BRCA2: variants seen among roughly 807,000 people sequenced by gnomAD.
BRCA2 encodes BRCA2 DNA repair associated.
BRCA2 carries 203 observed loss-of-function variants against 276.7 expected under a neutral mutation model. That is an observed-to-expected ratio of 0.73 (90% CI 0.65 to 0.82). The LOEUF is 0.82. BRCA2 is among the 40% of genes least tolerant of loss of function. The pLI is 0.00. For synonymous variants in BRCA2, 1,289 were observed against 1,338.4 expected (o/e 0.96, Z 0.81); for missense variants, 3,920 against 3,915.0 (o/e 1.00, Z -0.03).
intron 24 of BRCA2, among the ~76,000 whole-genome samples, chr13:32,389,440 TTA>T (rs1412933867): frequency 6.6e-6 from 1 of 152,222 alleles, no homozygotes; most frequent in African/African-American, 2.4e-5. Flanking sequence ...TCTTTTCTGT[TTA>T]AACAATTTCT....
At position 32,363,447 on chromosome 13, in the gene BRCA2, CAG is replaced by C. The variant is rs80359701; in HGVS notation, c.8247_8248del (p.Lys2750AspfsTer13). 2 of 1,614,178 alleles carry C rather than the reference CAG, an allele frequency of 1.2e-6. No homozygotes were observed. The highest frequency in any genetic ancestry group is 1.7e-6 in the Non-Finnish European group (2 of 1,180,032). On this transcript the variant is annotated frameshift_variant, in exon 18 of 27. Coordinates refer to ENST00000380152, the MANE Select transcript of BRCA2 (RefSeq NM_000059.4). LOFTEE classifies it high-confidence loss of function. ...AAAGAATGGCAGACTGACAGTTGGT[CAG>C]AAGATTATTCTTCATGGAGCAGAAC... ...VLKNGRLTVG[Q>X]KIILHGAELV...
At chr13:32,358,492 A>G (rs1328586734) in intron 16 of BRCA2, among the ~76,000 whole-genome samples, 1 of 145,784 alleles carries the variant, frequency 6.9e-6, no homozygotes, top group Admixed American at 6.9e-5. Context: ...AAAAAAAAAG[A>G]AAAAAGTTAA....
intron 24 of BRCA2, among the ~76,000 whole-genome samples, chr13:32,388,152 T>C (rs1374187370): frequency 6.8e-6 from 1 of 147,564 alleles, no homozygotes. Context: ...AGGGTCTCAC[T>C]CTGTTGCCCA....
chr13:32,391,177 A>T (rs1367481166), intron 24 of BRCA2, among the ~76,000 whole-genome samples: 1 of 152,142 alleles, frequency 6.6e-6, no homozygotes, highest in East Asian at 1.9e-4. Flanking sequence ...TTAAACGAGA[A>T]CCTTTCTTAG....
chr13:32,360,062 G>A (rs1256054596), intron 16 of BRCA2, among the ~76,000 whole-genome samples: 6 of 152,166 alleles, frequency 3.9e-5, no homozygotes, highest in East Asian at 1.9e-4. Context: ...AAGGAGATGC[G>A]ATTTTTAATC....
At position 32,363,393 on chromosome 13, in the gene BRCA2, C is replaced by G. The variant is rs397507966; in HGVS notation, c.8191C>G (p.Gln2731Glu). Reference protein sequence around the residue: ...LTDGWYAVKAQLDPPLLAVLK... With the variant: ...LTDGWYAVKAELDPPLLAVLK... ...AGATGGGTGGTATGCTGTTAAGGCC[C>G]AGTTAGATCCTCCCCTCTTAGCTGT... is the stretch of plus-strand genomic sequence containing the variant. The change falls in exon 18 of 27, where the codon CAG (glutamine) becomes GAG (glutamate). Residue 2731 changes from glutamine (Q) to glutamate (E), a missense_variant. By Grantham distance (29) the Gln-to-Glu change is conservative. Coordinates refer to ENST00000380152, the MANE Select transcript of BRCA2 (RefSeq NM_000059.4). The G allele has an allele frequency of 6.2e-7, 1 of 1,614,116 alleles. No individual in the cohort carries two copies. The highest frequency in any genetic ancestry group is 8.5e-7 in the Non-Finnish European group (1 of 1,180,018).
rs142994653 is a variant in BRCA2 at position 32,389,113 on chromosome 13, T to A, written c.9257-5576T>A. 3.0e-4 allele frequency among the ~76,000 whole-genome samples: 46 copies of A among 152,344 alleles called. No individual in the cohort carries two copies. In the East Asian group the frequency reaches 8.1e-3, roughly 27 times the overall value. On this transcript the variant is annotated intron_variant, in intron 24 of 26. Transcript: ENST00000380152. ...CTCTAGGTGTTACAACATACATGTA[T>A]GACTTACAGCAGTCTACTAGTATCA...
Position 32,337,323 on chromosome 13 carries a change from A to C in BRCA2, c.2968A>C (p.Met990Leu), listed in dbSNP as rs876660083. 1 of 1,613,714 alleles carries C rather than the reference A, an allele frequency of 6.2e-7. No homozygotes were observed. The highest frequency in any genetic ancestry group is 2.2e-5 in the East Asian group (1 of 44,826). The stretch of plus-strand genomic sequence containing the variant: ...AATACCAGAAAAAAATAATGATTAC[A>C]TGAACAAATGGGCAGGACTCTTAGG... ...DKIPEKNNDY[M>L]NKWAGLLGPI... Residue 990 changes from methionine (M) to leucine (L), a missense_variant, in exon 11 of 27, where the codon ATG becomes CTG. Met to Leu is a conservative substitution (Grantham distance 15, BLOSUM62 2). This residue lies in a region of BRCA2 where 3,263 missense variants were observed against 3,156.9 expected (regional missense o/e 1.03). Transcript: ENST00000380152.
intron 24 of BRCA2, among the ~76,000 whole-genome samples, chr13:32,388,528 A>C (rs1048702965): frequency 1.3e-5 from 2 of 152,070 alleles, no homozygotes; most frequent in East Asian, 1.9e-4. Context: ...TGAGATATTC[A>C]ACACTTTTTT....
rs55835607 is a variant in BRCA2, at chr13:32,398,351, C to T, written c.9838C>T (p.Pro3280Ser). 7 of 1,614,138 alleles carry T rather than the reference C, an allele frequency of 4.3e-6. No individual in the cohort carries two copies. The highest frequency in any genetic ancestry group is 1.6e-4 in the Middle Eastern group (1 of 6,062). ...ALDFLSRLPL[P>S]PPVSPICTFV... ...GGATTTCTTGAGTAGACTGCCTTTA[C>T]CTCCACCTGTTAGTCCCATTTGTAC... Residue 3280 changes from proline (P) to serine (S), a missense_variant, in exon 27 of 27, where the codon CCT (proline) becomes TCT (serine). By Grantham distance (74) the Pro-to-Ser change is moderately conservative. Coordinates refer to ENST00000380152, the MANE Select transcript of BRCA2 (RefSeq NM_000059.4).
chr13:32,339,342 G>A lies in BRCA2; in HGVS notation c.4987G>A (p.Val1663Ile), dbSNP rs587781763. 1 of 1,590,742 alleles carries A rather than the reference G, an allele frequency of 6.3e-7. No individual in the cohort carries two copies. The highest frequency in any genetic ancestry group is 1.4e-5 in the African/African-American group (1 of 73,676). Residue 1663 changes from valine to isoleucine, a missense_variant, in exon 11 of 27, where the codon GTC becomes ATC. By Grantham distance (29) the Val-to-Ile change is conservative. Coordinates refer to ENST00000380152, the MANE Select transcript of BRCA2 (RefSeq NM_000059.4). The stretch of plus-strand genomic sequence containing the variant: ...TTACACAAATCAGTCCCCTTATTCA[G>A]TCATTGAAAATTCAGCCTTAGCTTT... ...TCYTNQSPYS[V>I]IENSALAFYT...
rs751176412 is a variant in BRCA2, at chr13:32,339,306, C to T, written c.4951C>T (p.Pro1651Ser). 6.2e-7 allele frequency: 1 copy of T among 1,603,584 alleles called. No homozygotes were observed. Among genetic ancestry groups the T allele is most frequent in the Non-Finnish European group, 8.5e-7 (1 of 1,176,502 alleles). The change falls in exon 11 of 27, where the codon CCT becomes TCT. Residue 1651 changes from proline (P) to serine (S), a missense_variant. Physicochemically the swap from Pro to Ser is moderately conservative, Grantham distance 74. Around this residue, in one of 2 missense-constraint regions of BRCA2, gnomAD observed 3,263 missense variants for 3,156.9 expected, o/e 1.03. Transcript: ENST00000380152. ...ENVEKETAKSPATCYTNQSPY... is the reference protein window; with the variant it reads ...ENVEKETAKSSATCYTNQSPY... ...TGTAGAAAAAGAAACAGCAAAAAGT[C>T]CTGCAACTTGTTACACAAATCAGTC...
chr13:32,316,513 G>A lies in BRCA2; in HGVS notation c.53G>A (p.Arg18His), dbSNP rs80358762. 106 of 1,613,734 alleles carry A rather than the reference G, an allele frequency of 6.6e-5. No homozygotes were observed. The East Asian group carries it at 2.3e-3, about 35-fold the overall frequency. Reference sequence around the variant, plus strand: ...ACATTTTTTGAAATTTTTAAGACACGCTGCAACAAAGCAGGTATTGACAAA... The same window carrying A: ...ACATTTTTTGAAATTTTTAAGACACACTGCAACAAAGCAGGTATTGACAAA... ...RPTFFEIFKT[R>H]CNKADLGPIS... Residue 18 changes from arginine (R) to histidine (H), a missense_variant, in exon 2 of 27, where the codon CGC (arginine) becomes CAC (histidine). Coordinates refer to ENST00000380152, the MANE Select transcript of BRCA2 (RefSeq NM_000059.4).
intron 11 of BRCA2, among the ~76,000 whole-genome samples, chr13:32,341,827 C>A (rs1311323072): frequency 6.7e-6 from 1 of 150,086 alleles, no homozygotes; most frequent in Non-Finnish European, 1.5e-5. Context: ...GAGATCCCGC[C>A]ACTGCACTCC....
intron 21 of BRCA2, among the ~76,000 whole-genome samples, chr13:32,377,231 TA>T (rs371229027): frequency 1.1e-4 from 16 of 152,302 alleles, no homozygotes; most frequent in African/African-American, 3.9e-4. Flanking sequence ...TCCGAAGCAC[TA>T]AACTGTTAGA....
intron 18 of BRCA2, among the ~76,000 whole-genome samples, chr13:32,368,764 AGTTTGTT>A (rs1331928734): frequency 5.6e-4 from 85 of 150,708 alleles, no homozygotes; most frequent in African/African-American, 1.4e-3. Flanking sequence ...ATTTTATTTC[AGTTTGTT>A]GTTTGTTGTT....
chr13:32,364,989 T>G (rs1001670713), intron 18 of BRCA2, among the ~76,000 whole-genome samples: 1 of 152,152 alleles, frequency 6.6e-6, no homozygotes, highest in African/African-American at 2.4e-5. Context: ...ATGCAAGCTT[T>G]TTGATATCTT....
chr13:32,381,805 C>CT (rs374560233), intron 24 of BRCA2, among the ~76,000 whole-genome samples: 7 of 152,236 alleles, frequency 4.6e-5, no homozygotes, highest in African/African-American at 1.7e-4. Context: ...TTTGGAGGCT[C>CT]TTTCAAGCAC....
chr13:32,316,492 T>G lies in BRCA2; in HGVS notation c.32T>G (p.Phe11Cys), dbSNP rs2138698291. Reference protein sequence around the residue: MPIGSKERPTFFEIFKTRCNK... With the variant: MPIGSKERPTCFEIFKTRCNK... ...ATTGGATCCAAAGAGAGGCCAACAT[T>G]TTTTGAAATTTTTAAGACACGCTGC... is the stretch of plus-strand genomic sequence containing the variant. The change falls in exon 2 of 27, where the codon TTT becomes TGT. Residue 11 changes from phenylalanine (F) to cysteine (C), a missense_variant. By Grantham distance (205) the Phe-to-Cys change is radical. Transcript: ENST00000380152. The G allele has an allele frequency of 3.1e-6, 5 of 1,614,018 alleles. No individual in the cohort carries two copies. The highest frequency in any genetic ancestry group is 4.2e-6 in the Non-Finnish European group (5 of 1,179,932).
Sources: allele counts gnomAD v4.1 joint callset (sites outside exome capture counted in the v4.1 genomes callset), GRCh38; gene constraint gnomAD v4.1.1; regional missense constraint gnomAD v4.1.1; transcripts MANE v1.5; gene names NCBI Gene and HGNC (gene_info 2026-07-23, HGNC 2026-07-21).